RGL1: variants seen among roughly 807,000 people sequenced by gnomAD.
RGL1 encodes ral guanine nucleotide dissociation stimulator like 1, also known as ral guanine nucleotide dissociation stimulator-like 1.
RGL1 carries 24 observed loss-of-function variants against 95.2 expected under a neutral mutation model. The ratio of observed to expected loss-of-function variants is 0.25; its 90% CI spans 0.18 to 0.35. The LOEUF (loss-of-function observed/expected upper bound fraction) is 0.35. Ranked by LOEUF, RGL1 falls within the 10% of genes least tolerant of loss-of-function variation. RGL1 has a pLI of 1.00. For missense variants in RGL1, 715 were observed against 936.3 expected, an observed-to-expected ratio of 0.76 and a Z score of 3.08; for synonymous variants, 329 against 344.9, an observed-to-expected ratio of 0.95 and a Z score of 0.51.
chr1:183,696,114 G>T (rs1382727608), intron 1 of RGL1, among the ~76,000 whole-genome samples: 1 of 152,072 alleles, frequency 6.6e-6, no homozygotes, highest in Non-Finnish European at 1.5e-5. Context: ...CATTTGTCAA[G>T]GTCCCTAGAC....
intron 15 of RGL1, among the ~76,000 whole-genome samples, chr1:183,913,286 T>C (rs530431878): frequency 3.3e-5 from 5 of 150,566 alleles, no homozygotes. Context: ...ACCTCTGTCT[T>C]CTGGGTTCAG....
At chr1:183,878,741 AC>A (rs1260289543) in intron 4 of RGL1, among the ~76,000 whole-genome samples, 2 of 152,162 alleles carry the variant, frequency 1.3e-5, no homozygotes, top group African/African-American at 4.8e-5. Context: ...ACTGACTCTT[AC>A]CTGTAATTTT....
In RGL1 at chr1:183,926,881, A is replaced by T. The variant is rs915599528; in HGVS notation, c.*589A>T. The T allele has an allele frequency of 3.3e-5, 5 of 152,772 alleles. No homozygotes were observed. The South Asian group carries it at 8.3e-4, about 25-fold the overall frequency. The allele number at this position is 152,772 out of a possible 1,614,324, so 9.5% of individuals were successfully genotyped here. On this transcript the variant is annotated 3_prime_UTR_variant, in exon 18 of 18. Transcript: ENST00000360851. ...GGCTGGAACTGCCACAGGCTGTATG[A>T]AAGGCCACTTTGGAAAGGGTTTGGA...
chr1:183,764,821 A>C (rs766565290), intron 2 of RGL1, among the ~76,000 whole-genome samples: 3 of 152,208 alleles, frequency 2.0e-5, no homozygotes, highest in African/African-American at 7.2e-5. Context: ...TCCACCAAAG[A>C]CAAATCATAG....
chr1:183,639,700 C>CAAA (rs11335181), intron 1 of RGL1, among the ~76,000 whole-genome samples: 1 of 140,954 alleles, frequency 7.1e-6, no homozygotes, highest in Non-Finnish European at 1.6e-5. Context: ...ACCTGTAAGC[C>CAAA]AAAAAAAAAA....
intron 2 of RGL1, among the ~76,000 whole-genome samples, chr1:183,832,032 T>C (rs1295839249): frequency 6.6e-6 from 1 of 152,224 alleles, no homozygotes; most frequent in Admixed American, 6.5e-5. Context: ...GACTTTATTA[T>C]AAAAGCAGGA....
chr1:183,905,925 T>C, intron 13 of RGL1, among the ~76,000 whole-genome samples: 1 of 152,190 alleles, frequency 6.6e-6, no homozygotes, highest in East Asian at 1.9e-4. Flanking sequence ...TTACATCTCA[T>C]CTATGGTTGC....
intron 1 of RGL1, among the ~76,000 whole-genome samples, chr1:183,653,842 C>T (rs541909934): frequency 5.4e-4 from 82 of 152,298 alleles, no homozygotes; most frequent in African/African-American, 1.7e-3. Flanking sequence ...CTGTGGCTAA[C>T]GGAAGAGCCA....
At chr1:183,912,329 C>A in intron 15 of RGL1, 61 bp downstream of exon 15, 1 of 1,354,156 alleles carries the variant, frequency 7.4e-7, no homozygotes, top group Non-Finnish European at 1.0e-6. Context: ...TTTGCCACAC[C>A]ACAGCAAGGA....
intron 7 of RGL1, among the ~76,000 whole-genome samples, chr1:183,887,168 C>T (rs1414513280): frequency 6.8e-6 from 1 of 147,126 alleles, no homozygotes; most frequent in African/African-American, 2.5e-5. Context: ...CCCTCCCTCC[C>T]TCCCTCTTTT....
At chr1:183,714,376 A>C (rs1296544641) in intron 1 of RGL1, among the ~76,000 whole-genome samples, 3 of 152,208 alleles carry the variant, frequency 2.0e-5, no homozygotes, top group African/African-American at 7.2e-5. Flanking sequence ...ATTTAGTATA[A>C]AAGATCATTT....
chr1:183,676,521 T>A (rs2102065693), intron 1 of RGL1, among the ~76,000 whole-genome samples: 1 of 151,992 alleles, frequency 6.6e-6, no homozygotes, highest in Admixed American at 6.5e-5. Context: ...ATGAATCTAG[T>A]TTGTATGAAA....
intron 2 of RGL1, among the ~76,000 whole-genome samples, chr1:183,790,840 G>C (rs1237090966): frequency 6.6e-6 from 1 of 152,020 alleles, no homozygotes; most frequent in African/African-American, 2.4e-5. Context: ...TATTACAGAA[G>C]TTTGAAATGA....
chr1:183,760,849 A>G (rs147064067), intron 2 of RGL1, among the ~76,000 whole-genome samples: 202 of 152,306 alleles, frequency 1.3e-3, no homozygotes, highest in Middle Eastern at 3.4e-3. Context: ...TTGTCATTTC[A>G]CCACATTCGC....
At chr1:183,783,844 T>G (rs998890681) in intron 2 of RGL1, among the ~76,000 whole-genome samples, 11 of 152,136 alleles carry the variant, frequency 7.2e-5, no homozygotes, top group African/African-American at 2.4e-4. Context: ...TAATATTTAT[T>G]GTGAATGCCT....
rs188121363 is a variant in RGL1, at chr1:183,901,218, G to A, written c.1317+982G>A. Among the ~76,000 whole-genome samples the A allele has an allele frequency of 1.7e-3, 257 of 152,264 alleles. 5 individuals carry two copies. The East Asian group carries it at 0.041, about 24-fold the overall frequency. On this transcript the variant is annotated intron_variant, in intron 11 of 17. Coordinates refer to ENST00000360851, the MANE Select transcript of RGL1 (RefSeq NM_001297671.3). ...GGAGGTTGAGGCAGAAGAATTGCTT[G>A]AACCCGAGAGGCGGAGGTTGCAGTG...
intron 2 of RGL1, among the ~76,000 whole-genome samples, chr1:183,784,856 C>T (rs1489863822): frequency 6.6e-6 from 1 of 152,178 alleles, no homozygotes; most frequent in African/African-American, 2.4e-5. Flanking sequence ...TAACAAATTT[C>T]GGCCATTCTC....
chr1:183,719,775 G>A (rs569720421), intron 1 of RGL1, among the ~76,000 whole-genome samples: 6 of 152,210 alleles, frequency 3.9e-5, no homozygotes, highest in South Asian at 4.1e-4. Flanking sequence ...GCATGGTGGC[G>A]CATGCCTGTA....
At chr1:183,780,341 T>C (rs967099949) in intron 2 of RGL1, among the ~76,000 whole-genome samples, 1 of 152,188 alleles carries the variant, frequency 6.6e-6, no homozygotes, top group Non-Finnish European at 1.5e-5. Context: ...ATAAAGTAGA[T>C]CAAAGTTAAT....
Sources: gnomAD v4.1 joint callset for allele counts (sites outside exome capture counted in the v4.1 genomes callset) on GRCh38, gnomAD v4.1.1 for gene constraint, MANE v1.5 for transcripts, NCBI Gene and HGNC (gene_info 2026-07-23, HGNC 2026-07-21) for gene names.